Variants in TPD52L1 observed in about 807,000 individuals in gnomAD.
TPD52L1 encodes the protein tumor protein D53.
TPD52L1 carries 18 observed loss-of-function variants against 28.7 expected under a neutral mutation model. The observed-to-expected ratio is 0.63, with a 90% CI of 0.43 to 0.93. The LOEUF (loss-of-function observed/expected upper bound fraction) is 0.93, where lower values mean the gene tolerates loss of function less well. Among genes scored for constraint, TPD52L1 ranks in the 40% least tolerant of loss-of-function variants. The pLI, the probability that TPD52L1 is intolerant of heterozygous loss-of-function variation, is 0.00. For synonymous variants in TPD52L1, 75 were observed against 88.8 expected, an observed-to-expected ratio of 0.84 and a Z score of 0.88; for missense variants, 203 against 254.8, an observed-to-expected ratio of 0.80 and a Z score of 1.39.
intron 1 of TPD52L1, among the ~76,000 whole-genome samples, chr6:125,167,865 A>C (rs978173130): frequency 8.5e-5 from 13 of 152,172 alleles, no homozygotes; most frequent in African/African-American, 1.4e-4. Context: ...TAAAAAAAAA[A>C]ACAAAAAAAT....
At chr6:125,193,846 G>GCT (rs1365263933) in intron 1 of TPD52L1, among the ~76,000 whole-genome samples, 1 of 152,090 alleles carries the variant, frequency 6.6e-6, no homozygotes, top group African/African-American at 2.4e-5. Flanking sequence ...GAGCCTTGCA[G>GCT]AGTGAGCTGG....
intron 3 of TPD52L1, among the ~76,000 whole-genome samples, chr6:125,237,114 G>A (rs1416417378): frequency 6.6e-6 from 1 of 152,138 alleles, no homozygotes; most frequent in African/African-American, 2.4e-5. Context: ...AGAAATGAGA[G>A]GGGACCAGAC....
chr6:125,246,248 TGGTTCAGAGGCAGTG>T (rs1464084903), intron 3 of TPD52L1, among the ~76,000 whole-genome samples: 5 of 152,170 alleles, frequency 3.3e-5, no homozygotes, highest in Non-Finnish European at 5.9e-5. Context: ...CAGAGGCAGG[TGGTTCAGAGGCAGTG>T]GGTTCAGAGG....
chr6:125,224,734 GT>G (rs1272963712), intron 2 of TPD52L1, among the ~76,000 whole-genome samples: 1 of 152,146 alleles, frequency 6.6e-6, no homozygotes, highest in Non-Finnish European at 1.5e-5. Context: ...TATGAAAATA[GT>G]TTTCCTTCTG....
intron 1 of TPD52L1, among the ~76,000 whole-genome samples, chr6:125,201,328 G>A (rs1014878417): frequency 5.3e-5 from 8 of 152,110 alleles, no homozygotes; most frequent in South Asian, 2.1e-4. Context: ...TTTGGGGGTC[G>A]CAACAACTTT....
intron 6 of TPD52L1, chr6:125,261,558 C>A (rs1303631089): frequency 1.3e-5 from 2 of 151,038 alleles, no homozygotes; most frequent in East Asian, 3.9e-4. Flanking sequence ...CATTTTGCAT[C>A]TTGTCAAGCA....
intron 1 of TPD52L1, among the ~76,000 whole-genome samples, chr6:125,211,909 T>C (rs1794546742): frequency 6.6e-6 from 1 of 152,248 alleles, no homozygotes; most frequent in Admixed American, 6.5e-5. Context: ...TCTAGGTTAA[T>C]GTAGTACTTT....
chr6:125,223,189 C>T (rs1795369658), intron 2 of TPD52L1, among the ~76,000 whole-genome samples: 1 of 152,176 alleles, frequency 6.6e-6, no homozygotes, highest in Admixed American at 6.5e-5. Context: ...AGCTCTCTTT[C>T]TCTTCCCTCC....
intron 1 of TPD52L1, among the ~76,000 whole-genome samples, chr6:125,193,326 T>C (rs1468523483): frequency 6.6e-6 from 1 of 152,200 alleles, no homozygotes; most frequent in Non-Finnish European, 1.5e-5. Flanking sequence ...TCCCTCATCC[T>C]TTCCTTCTCC....
chr6:125,154,295 G>C, intron 1 of TPD52L1: 2 of 1,162,278 alleles, frequency 1.7e-6, no homozygotes, highest in Non-Finnish European at 2.1e-6. Flanking sequence ...GACCTGTTGT[G>C]CCGGGTCCGG....
intron 3 of TPD52L1, 97 bp downstream of exon 3, chr6:125,229,363 A>T (rs910076095): frequency 1.6e-6 from 2 of 1,252,812 alleles, no homozygotes; most frequent in Non-Finnish European, 2.2e-6. Flanking sequence ...GATTTGGTGC[A>T]TGAAGCTAGG....
rs151037327 is a variant in TPD52L1 at position 125,257,281 on chromosome 6, T to C, written c.486+123T>C. 155 of 671,358 alleles carry C rather than the reference T, an allele frequency of 2.3e-4. No homozygotes were observed. The African/African-American group carries it at 2.6e-3, about 11-fold the overall frequency. The allele number at this position is 671,358 out of a possible 1,614,324, so 41.6% of individuals were successfully genotyped here. ...CAGGCTTGCATCAAGTCAGACCTTT[T>C]CTTTCACATATAAATCTATGAATAA... On this transcript the variant is annotated intron_variant, in intron 6 of 6. Transcript: ENST00000534000.
chr6:125,201,027 A>T (rs1793770362), intron 1 of TPD52L1, among the ~76,000 whole-genome samples: 1 of 152,202 alleles, frequency 6.6e-6, no homozygotes, highest in Admixed American at 6.5e-5. Context: ...ATTGGTTTAT[A>T]GGCAGCGTTT....
chr6:125,203,775 T>A, intron 1 of TPD52L1: 1 of 985,446 alleles, frequency 1.0e-6, no homozygotes, highest in Non-Finnish European at 1.2e-6. Context: ...AACCACCCCA[T>A]CTGTAAGGAA....
In TPD52L1 at chr6:125,229,342, C is replaced by T. The variant is rs1232304300; in HGVS notation, c.284+76C>T. On this transcript the variant is annotated intron_variant, in intron 3 of 6. Coordinates refer to ENST00000534000, the MANE Select transcript of TPD52L1 (RefSeq NM_003287.4). ...CTCTGTTGTGTTTTGTTTCATTTTT[C>T]CTACAAGGCTGATTTGGTGCATGAA... 5.7e-6 allele frequency: 8 copies of T among 1,415,280 alleles called. No individual in the cohort carries two copies. In the East Asian group the frequency reaches 7.8e-5, roughly 14 times the overall value. 87.7% of individuals were successfully genotyped at this position (1,415,280 alleles called of 1,614,324 possible). A position where few individuals can be genotyped will look rare whatever the true frequency, so the allele number is the denominator to read the frequency against.
intron 2 of TPD52L1, among the ~76,000 whole-genome samples, chr6:125,226,564 A>C (rs1353419377): frequency 6.6e-6 from 1 of 152,038 alleles, no homozygotes; most frequent in Non-Finnish European, 1.5e-5. Context: ...AAGGTGTTCA[A>C]GCCTCTTTCT....
At chr6:125,167,534 C>A in intron 1 of TPD52L1, among the ~76,000 whole-genome samples, 1 of 152,070 alleles carries the variant, frequency 6.6e-6, no homozygotes, top group East Asian at 1.9e-4. Context: ...GTAATTTTCA[C>A]GTGACAATTT....
chr6:125,231,645 GTTTA>G (rs1212982564), intron 3 of TPD52L1, among the ~76,000 whole-genome samples: 3 of 151,700 alleles, frequency 2.0e-5, no homozygotes, highest in African/African-American at 7.3e-5. Context: ...TTGTTTGTTT[GTTTA>G]TACGACAAAA....
chr6:125,243,427 C>T (rs779730114), intron 3 of TPD52L1, among the ~76,000 whole-genome samples: 2 of 151,932 alleles, frequency 1.3e-5, no homozygotes, highest in Non-Finnish European at 2.9e-5. Context: ...TCTTCTTCCT[C>T]AGAAACAGCA....
Sources: allele counts gnomAD v4.1 joint callset (sites outside exome capture counted in the v4.1 genomes callset), GRCh38; gene constraint gnomAD v4.1.1; transcripts MANE v1.5; gene names NCBI Gene and HGNC (gene_info 2026-07-23, HGNC 2026-07-21).